CNTN3: variants seen among roughly 807,000 people sequenced by gnomAD.
CNTN3 encodes contactin 3, also known as contactin-3.
CNTN3 carries 60 observed loss-of-function variants against 119.1 expected under a neutral mutation model. That is an observed-to-expected ratio of 0.50 (90% CI 0.41 to 0.62). CNTN3 has a LOEUF of 0.62. CNTN3 is among the 20% of genes least tolerant of loss of function. The pLI is 0.00. For missense variants in CNTN3, 1,101 were observed against 1,242.4 expected, an observed-to-expected ratio of 0.89 and a Z score of 1.71; for synonymous variants, 450 against 438.7, an observed-to-expected ratio of 1.03 and a Z score of -0.32.
At chr3:74,347,641 T>G (rs1475916743) in intron 11 of CNTN3, among the ~76,000 whole-genome samples, 1 of 152,258 alleles carries the variant, frequency 6.6e-6, no homozygotes, top group Non-Finnish European at 1.5e-5. Flanking sequence ...TTTCTGTTCC[T>G]TATGCAAGCT....
chr3:74,609,795 C>A (rs1271813097), intron 1 of CNTN3, among the ~76,000 whole-genome samples: 1 of 152,170 alleles, frequency 6.6e-6, no homozygotes, highest in East Asian at 1.9e-4. Flanking sequence ...TTGACAGAAG[C>A]TGCTTTGCAA....
intron 4 of CNTN3, among the ~76,000 whole-genome samples, chr3:74,436,477 G>A (rs1369173020): frequency 1.3e-5 from 2 of 152,066 alleles, no homozygotes. Context: ...GCTTGTGCCT[G>A]GTAGCTGCTC....
chr3:74,509,862 G>C (rs1703333403), intron 2 of CNTN3, among the ~76,000 whole-genome samples: 1 of 151,820 alleles, frequency 6.6e-6, no homozygotes, highest in Admixed American at 6.6e-5. Flanking sequence ...AACAATGTTT[G>C]TGTATTTTAC....
intron 13 of CNTN3, among the ~76,000 whole-genome samples, chr3:74,324,038 G>A (rs1200143338): frequency 6.6e-6 from 1 of 151,846 alleles, no homozygotes; most frequent in African/African-American, 2.4e-5. Context: ...TACTGTATTT[G>A]GATTTTTGTA....
At chr3:74,377,582 C>T (rs1456866851) in intron 5 of CNTN3, among the ~76,000 whole-genome samples, 4 of 152,150 alleles carry the variant, frequency 2.6e-5, no homozygotes, top group African/African-American at 4.8e-5. Flanking sequence ...TTTACAAAAC[C>T]TTTCACAACC....
intron 11 of CNTN3, among the ~76,000 whole-genome samples, chr3:74,344,367 T>C (rs1703625699): frequency 1.3e-5 from 2 of 150,376 alleles, no homozygotes; most frequent in African/African-American, 4.9e-5. Flanking sequence ...CATCAATATT[T>C]AAGTAGTTCA....
At chr3:74,528,161 A>T (rs922245005) in intron 1 of CNTN3, among the ~76,000 whole-genome samples, 3 of 151,874 alleles carry the variant, frequency 2.0e-5, no homozygotes, top group Non-Finnish European at 4.4e-5. Context: ...TTAAATAATT[A>T]TAAAGGGTAT....
intron 1 of CNTN3, among the ~76,000 whole-genome samples, chr3:74,548,587 A>AT (rs112121541): frequency 0.066 from 10,058 of 152,128 alleles, 1,059 homozygotes; most frequent in African/African-American, 0.23. Context: ...TTTGGTTAGA[A>AT]TTTTTTAGAT....
intron 20 of CNTN3, among the ~76,000 whole-genome samples, chr3:74,283,822 T>C (rs1392827930): frequency 1.3e-5 from 2 of 152,176 alleles, no homozygotes; most frequent in Non-Finnish European, 2.9e-5. Flanking sequence ...TTTTTTTGTA[T>C]CTGTATTTCC....
intron 2 of CNTN3, among the ~76,000 whole-genome samples, chr3:74,517,934 AAAAACACTTTT>A (rs1323065167): frequency 6.6e-6 from 1 of 151,950 alleles, no homozygotes; most frequent in Non-Finnish European, 1.5e-5. Context: ...AGGGGTATTT[AAAAACACTTTT>A]ATGTGATGAG....
At chr3:74,377,158 A>G (rs1292387098) in intron 5 of CNTN3, among the ~76,000 whole-genome samples, 1 of 152,128 alleles carries the variant, frequency 6.6e-6, no homozygotes, top group Non-Finnish European at 1.5e-5. Flanking sequence ...AGAGTTGTAC[A>G]CTGTCATGAG....
At chr3:74,453,182 C>T (rs1250261209) in intron 4 of CNTN3, among the ~76,000 whole-genome samples, 1 of 151,968 alleles carries the variant, frequency 6.6e-6, no homozygotes, top group African/African-American at 2.4e-5. Context: ...TGATTATTGC[C>T]ACAATTTCAG....
chr3:74,324,096 T>C (rs1288104343), intron 13 of CNTN3, among the ~76,000 whole-genome samples: 2 of 152,168 alleles, frequency 1.3e-5, no homozygotes, highest in Non-Finnish European at 2.9e-5. Flanking sequence ...ACATATACAG[T>C]GTAATTCTTT....
intron 4 of CNTN3, among the ~76,000 whole-genome samples, chr3:74,452,015 T>C (rs1244430703): frequency 1.4e-5 from 2 of 142,988 alleles, no homozygotes; most frequent in Admixed American, 7.1e-5. Flanking sequence ...TTTGGTTCCA[T>C]ATGAACTTTA....
chr3:74,290,239 A>G (rs902143217), intron 19 of CNTN3, among the ~76,000 whole-genome samples: 9 of 152,224 alleles, frequency 5.9e-5, no homozygotes, highest in Non-Finnish European at 4.4e-5. Flanking sequence ...GGTGTAGCGT[A>G]GTGCTCCTAG....
chr3:74,334,809 T>G lies in CNTN3; in HGVS notation c.1594A>C (p.Ile532Leu). 6.2e-7 allele frequency: 1 copy of G among 1,613,668 alleles called. No individual in the cohort carries two copies. Among genetic ancestry groups the G allele is most frequent in the East Asian group, 2.2e-5 (1 of 44,860 alleles). Reference protein sequence around the residue: ...QVQHDPLLDIIFTWYFNGALA... With the variant: ...QVQHDPLLDILFTWYFNGALA... ...GCCCCATTGAAATACCAGGTAAAGATGATGTCTAACAGCGGGTCATGTTGT... is the reference window on the plus strand; with the variant it reads ...GCCCCATTGAAATACCAGGTAAAGAGGATGTCTAACAGCGGGTCATGTTGT... The change falls in exon 13 of 23, where the codon ATC becomes CTC. Residue 532 changes from isoleucine (I) to leucine (L), a missense_variant. By Grantham distance (5) the Ile-to-Leu change is conservative. Transcript: ENST00000263665.
chr3:74,325,723 C>T (rs1218180382), intron 13 of CNTN3, among the ~76,000 whole-genome samples: 1 of 152,136 alleles, frequency 6.6e-6, no homozygotes, highest in Non-Finnish European at 1.5e-5. Flanking sequence ...GTATTATCAA[C>T]ATCTCAATTT....
chr3:74,469,912 C>G (rs1392785076), intron 4 of CNTN3, among the ~76,000 whole-genome samples: 1 of 152,124 alleles, frequency 6.6e-6, no homozygotes, highest in Non-Finnish European at 1.5e-5. Context: ...CAAATGCTTA[C>G]AGCAGCATTA....
At chr3:74,532,884 T>A (rs1575812780) in intron 1 of CNTN3, among the ~76,000 whole-genome samples, 1 of 152,158 alleles carries the variant, frequency 6.6e-6, no homozygotes, top group East Asian at 1.9e-4. Context: ...GGTCTGATTT[T>A]TCTAGAGGGA....
Sources: gnomAD v4.1 joint callset for allele counts (sites outside exome capture counted in the v4.1 genomes callset) on GRCh38, gnomAD v4.1.1 for gene constraint, MANE v1.5 for transcripts, NCBI Gene and HGNC (gene_info 2026-07-23, HGNC 2026-07-21) for gene names.